Variants in SALL4 observed in about 807,000 individuals in gnomAD.
The protein encoded by SALL4 is spalt like transcription factor 4.
Under a neutral mutation model 60.8 loss-of-function variants are expected in SALL4, and 4 were observed. The observed-to-expected ratio is 0.07, with a 90% CI of 0.03 to 0.15. SALL4 has a LOEUF of 0.15. SALL4 is among the 10% of genes least tolerant of loss of function. SALL4 has a pLI of 1.00. For synonymous variants in SALL4, 580 were observed against 574.9 expected, an observed-to-expected ratio of 1.01 and a Z score of -0.13; for missense variants, 1,178 against 1,394.7, an observed-to-expected ratio of 0.84 and a Z score of 2.48.
intron 2 of SALL4, among the ~76,000 whole-genome samples, chr20:51,789,457 T>C (rs2078018853): frequency 6.6e-6 from 1 of 152,172 alleles, no homozygotes; most frequent in African/African-American, 2.4e-5. Flanking sequence ...CATCTTTCTT[T>C]GATTCTTTGA....
chr20:51,792,784 T>C, intron 1 of SALL4: 2 of 1,067,078 alleles, frequency 1.9e-6, no homozygotes, highest in Non-Finnish European at 2.3e-6. Context: ...AGCCTACACA[T>C]TGCAACTCCG....
At position 51,802,361 on chromosome 20, in the gene SALL4, C is replaced by G; in HGVS notation, c.48G>C (p.Glu16Asp). ...GCTGCGGCTGCTGCTCGCCCTGGTC[C>G]TCCTCCGAGTTGATGTGCTGGGGTT... ...QAKPQHINSE[E>D]DQGEQQPQQQ... is the part of the protein sequence containing the mutation. Residue 16 changes from glutamate to aspartate, a missense_variant, in exon 1 of 4, where the codon GAG becomes GAC. Physicochemically the swap from Glu to Asp is conservative, Grantham distance 45 (BLOSUM62 2). This residue lies in a region of SALL4 where 108 missense variants were observed against 95.7 expected (regional missense o/e 1.13). Coordinates refer to ENST00000217086, the MANE Select transcript of SALL4 (RefSeq NM_020436.5). The G allele has an allele frequency of 6.2e-7, 1 of 1,611,436 alleles. No individual in the cohort carries two copies. The highest frequency in any genetic ancestry group is 8.5e-7 in the Non-Finnish European group (1 of 1,179,844).
rs57307622 is a variant in SALL4, at chr20:51,782,573, A to AAAAAAAG, written c.*1691_*1692insCTTTTTT. On this transcript the variant is annotated 3_prime_UTR_variant, in exon 4 of 4. Transcript: ENST00000217086. The stretch of plus-strand genomic sequence containing the variant: ...GGCAAAAAAAAAAAAAAAAAAAAAA[A>AAAAAAAG]AGGGGGGCGGAATCCTAAAGTCAGG... 3.8e-4 allele frequency: 50 copies of AAAAAAAG among 131,966 alleles called. No homozygotes were observed. Among genetic ancestry groups the AAAAAAAG allele is most frequent in the Non-Finnish European group, 4.8e-4 (31 of 65,260 alleles). 8.2% of individuals were successfully genotyped at this position (131,966 alleles called of 1,614,324 possible). A position where few individuals can be genotyped will look rare whatever the true frequency, so the allele number is the denominator to read the frequency against.
At position 51,793,055 on chromosome 20, in the gene SALL4, A is replaced by G. The variant is rs923757562; in HGVS notation, c.131-703T>C. On this transcript the variant is annotated intron_variant, in intron 1 of 3. Coordinates refer to ENST00000217086, the MANE Select transcript of SALL4 (RefSeq NM_020436.5). ...TTCTTGTTTTTTCAGAAATGTTCACAGCAGCAAAGAAGTAAATTTTGGCCC... is the reference window on the plus strand; with the variant it reads ...TTCTTGTTTTTTCAGAAATGTTCACGGCAGCAAAGAAGTAAATTTTGGCCC... The G allele has an allele frequency of 1.5e-5, 14 of 916,706 alleles. No homozygotes were observed. In the African/African-American group the frequency reaches 2.3e-4, roughly 15 times the overall value. 56.8% of individuals were successfully genotyped at this position (916,706 alleles called of 1,614,324 possible). A position where few individuals can be genotyped will look rare whatever the true frequency, so the allele number is the denominator to read the frequency against.
intron 1 of SALL4, among the ~76,000 whole-genome samples, chr20:51,793,772 A>G (rs1381343474): frequency 6.6e-6 from 1 of 152,196 alleles, no homozygotes; most frequent in Non-Finnish European, 1.5e-5. Context: ...ACGGGTTTCC[A>G]GGAGGGGCTG....
At chr20:51,789,986 C>A in intron 2 of SALL4, 36 bp downstream of exon 2, 1 of 1,613,760 alleles carries the variant, frequency 6.2e-7, no homozygotes, top group South Asian at 1.1e-5. Flanking sequence ...ACCTTGAGCC[C>A]AAAATGGACA....
At chr20:51,799,395 A>G (rs971604839) in intron 1 of SALL4, among the ~76,000 whole-genome samples, 3 of 152,214 alleles carry the variant, frequency 2.0e-5, no homozygotes, top group Admixed American at 1.3e-4. Context: ...CCAGGCATCA[A>G]CCTAACACTT....
chr20:51,796,819 T>G (rs558074998), intron 1 of SALL4, among the ~76,000 whole-genome samples: 1 of 152,118 alleles, frequency 6.6e-6, no homozygotes, highest in African/African-American at 2.4e-5. Flanking sequence ...ATGGAGGCTT[T>G]TAAGTTATTT....
Position 51,784,565 on chromosome 20 carries a change from G to C in SALL4, c.2862C>G (p.Pro954=), listed in dbSNP as rs1568859673. The part of the protein sequence containing the change: ...TDGKRVSEIF[P]KEILAPSVNV... ...TCACTGAAGGGGCCAGGATTTCCTT[G>C]GGAAAGATTTCTGAGACTCTTTTTC... Residue 954 remains proline, a synonymous_variant, in exon 4 of 4, where the codon CCC becomes CCG. Coordinates refer to ENST00000217086, the MANE Select transcript of SALL4 (RefSeq NM_020436.5). 1.2e-6 allele frequency: 2 copies of C among 1,614,158 alleles called. No individual in the cohort carries two copies. Among genetic ancestry groups the C allele is most frequent in the Non-Finnish European group, 1.7e-6 (2 of 1,180,028 alleles).
In SALL4 at chr20:51,792,191, G is replaced by A; in HGVS notation, c.292C>T (p.Pro98Ser). The A allele has an allele frequency of 6.2e-7, 1 of 1,614,132 alleles. No homozygotes were observed. The highest frequency in any genetic ancestry group is 8.5e-7 in the Non-Finnish European group (1 of 1,180,042). ...LEHKKNCTKN[P>S]PVLIMNDSEG... ...CTGTCATTCATGATGAGGACAGGTG[G>A]ATTTTTAGTGCAATTTTTCTTATGT... The change falls in exon 2 of 4, where the codon CCA becomes TCA. Residue 98 changes from proline to serine, a missense_variant. Transcript: ENST00000217086.
At position 51,782,576 on chromosome 20, in the gene SALL4, G is replaced by T. The variant is rs949499341; in HGVS notation, c.*1689C>A. Reference sequence around the variant, plus strand: ...AAAAAAAAAAAAAAAAAAAAAAAAGGGGGGCGGAATCCTAAAGTCAGGTGC... The same window carrying T: ...AAAAAAAAAAAAAAAAAAAAAAAAGTGGGGCGGAATCCTAAAGTCAGGTGC... On this transcript the variant is annotated 3_prime_UTR_variant, in exon 4 of 4. Coordinates refer to ENST00000217086, the MANE Select transcript of SALL4 (RefSeq NM_020436.5). 2 of 140,460 alleles carry T rather than the reference G, an allele frequency of 1.4e-5. No individual in the cohort carries two copies. The highest frequency in any genetic ancestry group is 2.0e-4 in the East Asian group (1 of 4,956). The allele number at this position is 140,460 out of a possible 1,614,324, so 8.7% of individuals were successfully genotyped here.
At chr20:51,789,584 A>T (rs2078019655) in intron 2 of SALL4, among the ~76,000 whole-genome samples, 1 of 152,150 alleles carries the variant, frequency 6.6e-6, no homozygotes, top group Admixed American at 6.5e-5. Flanking sequence ...TGAACATTAC[A>T]TCAGGCAGTG....
intron 1 of SALL4, chr20:51,797,684 TAG>T: frequency 6.7e-6 from 1 of 150,132 alleles, no homozygotes; most frequent in Non-Finnish European, 1.5e-5. Flanking sequence ...ACACAGCAAC[TAG>T]TTCTTCCATT....
chr20:51,782,876 T>C lies in SALL4; in HGVS notation c.*1389A>G, dbSNP rs1471200572. On this transcript the variant is annotated 3_prime_UTR_variant, in exon 4 of 4. Transcript: ENST00000217086. ...AGGGCCTGGGAATACTTCAGCGGTC[T>C]TAAAATAGGAAAATAGACACTATGG... 1 of 151,902 alleles carries C rather than the reference T, an allele frequency of 6.6e-6. No individual in the cohort carries two copies. The highest frequency in any genetic ancestry group is 2.4e-5 in the African/African-American group (1 of 41,364). 9.4% of individuals were successfully genotyped at this position (151,902 alleles called of 1,614,324 possible). A position where few individuals can be genotyped will look rare whatever the true frequency, so the allele number is the denominator to read the frequency against.
chr20:51,802,420 C>G lies in SALL4; in HGVS notation c.-12G>C. The G allele has an allele frequency of 6.2e-7, 1 of 1,612,542 alleles. No homozygotes were observed. Among genetic ancestry groups the G allele is most frequent in the African/African-American group, 1.3e-5 (1 of 75,028 alleles). On this transcript the variant is annotated 5_prime_UTR_variant, in exon 1 of 4. Coordinates refer to ENST00000217086, the MANE Select transcript of SALL4 (RefSeq NM_020436.5). Reference sequence around the variant, plus strand: ...TTGCGCCTCGACATGGTGCGAGCATCGGGGCGCCGGGAGAGCCGCAGTTAT... The same window carrying G: ...TTGCGCCTCGACATGGTGCGAGCATGGGGGCGCCGGGAGAGCCGCAGTTAT...
In SALL4 at chr20:51,791,888, C is replaced by T. The variant is rs746022335; in HGVS notation, c.595G>A (p.Asp199Asn). 6 of 1,614,188 alleles carry T rather than the reference C, an allele frequency of 3.7e-6. No homozygotes were observed. The highest frequency in any genetic ancestry group is 5.1e-6 in the Non-Finnish European group (6 of 1,180,024). ...CCAGGCACGGGGGCAGGGAGTGCAT[C>T]CGCGCTCCGCTGATTCACCGCCACC... ...TKVAVNQRSA[D>N]ALPAPVPGAN... The change falls in exon 2 of 4, where the codon GAT (aspartate) becomes AAT (asparagine). Residue 199 changes from aspartate to asparagine, a missense_variant. This residue lies in a region of SALL4 where 853 missense variants were observed against 1,036.8 expected (regional missense o/e 0.82). Transcript: ENST00000217086. This position sits in a 1 kb window ranked among gnomAD's most constrained non-coding sequence, Gnocchi z 4.6.
chr20:51,790,524 A>C lies in SALL4; in HGVS notation c.1959T>G (p.Ile653Met), dbSNP rs765767787. The C allele has an allele frequency of 2.5e-6, 4 of 1,614,126 alleles. No homozygotes were observed. Among genetic ancestry groups the C allele is most frequent in the Non-Finnish European group, 3.4e-6 (4 of 1,180,046 alleles). The change falls in exon 2 of 4, where the codon ATT becomes ATG. Residue 653 changes from isoleucine (I) to methionine (M), a missense_variant. Transcript: ENST00000217086. This position sits in a 1 kb window ranked among gnomAD's most constrained non-coding sequence, Gnocchi z 5.5. Reference sequence around the variant, plus strand: ...GATTCTCTGGCAGGGGCGTGTTGGGAATCTGACCGCCCATGTGCATCCGAA... The same window carrying C: ...GATTCTCTGGCAGGGGCGTGTTGGGCATCTGACCGCCCATGTGCATCCGAA... ...QHIRMHMGGQ[I>M]PNTPLPENPC...
intron 2 of SALL4, 84 bp downstream of exon 2, chr20:51,789,938 C>T: frequency 1.3e-6 from 2 of 1,560,164 alleles, no homozygotes; most frequent in Non-Finnish European, 1.8e-6. Context: ...AAGTCATACT[C>T]TCCGTTTGTA....
In SALL4 at chr20:51,791,547, G is replaced by C; in HGVS notation, c.936C>G (p.Pro312=). 3 of 1,613,856 alleles carry C rather than the reference G, an allele frequency of 1.9e-6. No individual in the cohort carries two copies. Among genetic ancestry groups the C allele is most frequent in the Non-Finnish European group, 2.5e-6 (3 of 1,180,044 alleles). ...ATSSLSPGLA[P]FTLKPDGTRV... ...GGGTCCCATCCGGCTTCAGAGTGAA[G>C]GGTGCCAGCCCTGGGGACAGGGAGC... Residue 312 remains proline (P), a synonymous_variant, in exon 2 of 4, where the codon CCC becomes CCG. Coordinates refer to ENST00000217086, the MANE Select transcript of SALL4 (RefSeq NM_020436.5). The surrounding 1 kb of genome is among the most constrained non-coding windows in gnomAD (Gnocchi z 4.6).
Sources: allele counts gnomAD v4.1 joint callset (sites outside exome capture counted in the v4.1 genomes callset), GRCh38; gene constraint gnomAD v4.1.1; regional missense constraint gnomAD v4.1.1; non-coding constraint Gnocchi (gnomAD v3.1); transcripts MANE v1.5; gene names NCBI Gene and HGNC (gene_info 2026-07-23, HGNC 2026-07-21).